The following IL26 variants were observed in gnomAD, a reference collection of about 807,000 sequenced individuals.
The protein encoded by IL26 is interleukin 26, also known as interleukin-26.
IL26 carries 23 observed loss-of-function variants against 21.7 expected under a neutral mutation model. The observed-to-expected ratio is 1.06, with a 90% CI of 0.76 to 1.50. The LOEUF is 1.50. IL26 is among the 40% of genes most tolerant of loss of function. IL26 has a pLI of 0.00. For missense variants in IL26, 204 were observed against 196.0 expected (o/e 1.04, Z -0.24); for synonymous variants, 63 against 67.8 (o/e 0.93, Z 0.34).
chr12:68,219,917 T>G (rs1305684505), intron 3 of IL26, among the ~76,000 whole-genome samples: 1 of 151,934 alleles, frequency 6.6e-6, no homozygotes, highest in Non-Finnish European at 1.5e-5. Context: ...TAAAAGCATA[T>G]TAAGGAAATA....
At chr12:68,203,808 C>T (rs1426801774) in intron 3 of IL26, among the ~76,000 whole-genome samples, 1 of 152,084 alleles carries the variant, frequency 6.6e-6, no homozygotes, top group Non-Finnish European at 1.5e-5. Context: ...GTGAAAGGGG[C>T]TTTCATGATT....
At chr12:68,211,850 T>C (rs1050010092) in intron 3 of IL26, among the ~76,000 whole-genome samples, 7 of 152,306 alleles carry the variant, frequency 4.6e-5, no homozygotes, top group African/African-American at 1.7e-4. Flanking sequence ...GTCGATTGTT[T>C]CCTTTGCTGG....
chr12:68,201,472 C>A lies in IL26; in HGVS notation c.*373G>T. ...TCATATACATAACATCTATTTAAGTCTCAGTAACATTACATTGCATTCCAG... is the reference window on the plus strand; with the variant it reads ...TCATATACATAACATCTATTTAAGTATCAGTAACATTACATTGCATTCCAG... On this transcript the variant is annotated 3_prime_UTR_variant, in exon 5 of 5. Coordinates refer to ENST00000229134, the MANE Select transcript of IL26 (RefSeq NM_018402.2). 1 of 175,870 alleles carries A rather than the reference C, an allele frequency of 5.7e-6. No individual in the cohort carries two copies. Among genetic ancestry groups the A allele is most frequent in the East Asian group, 1.6e-4 (1 of 6,322 alleles). The allele number at this position is 175,870 out of a possible 1,614,324, so 10.9% of individuals were successfully genotyped here.
chr12:68,216,528 G>A lies in IL26; in HGVS notation c.363+8621C>T, dbSNP rs551500417. On this transcript the variant is annotated intron_variant, in intron 3 of 4. Transcript: ENST00000229134. ...AATTCTCCCAACGACCTTAAGATGA[G>A]GCTACTGTTATTGAAGACACAGGTT... 6.9e-4 allele frequency among the ~76,000 whole-genome samples: 105 copies of A among 152,288 alleles called. 1 individual carries two copies. The South Asian group carries it at 0.021, about 30-fold the overall frequency.
chr12:68,222,621 G>C (rs985347846), intron 3 of IL26, among the ~76,000 whole-genome samples: 2 of 152,192 alleles, frequency 1.3e-5, no homozygotes, highest in African/African-American at 4.8e-5. Context: ...CCTTGGATCA[G>C]TTTTAAAATA....
At chr12:68,205,062 C>A (rs1340724821) in intron 3 of IL26, among the ~76,000 whole-genome samples, 1 of 152,130 alleles carries the variant, frequency 6.6e-6, no homozygotes, top group African/African-American at 2.4e-5. Flanking sequence ...GGACCAGAGG[C>A]AAATTATTGG....
At chr12:68,206,943 A>G (rs1233264459) in intron 3 of IL26, among the ~76,000 whole-genome samples, 2 of 152,182 alleles carry the variant, frequency 1.3e-5, no homozygotes, top group Non-Finnish European at 2.9e-5. Context: ...CTTTGAGGGC[A>G]TTAAATTCTG....
Position 68,211,297 on chromosome 12 carries a change from C to A in IL26, c.364-9214G>T, listed in dbSNP as rs1032038555. ...TTCATTATACCACATTTTCTTTATC[C>A]ATTCATCCATTGATGAGCACTTAGA... On this transcript the variant is annotated intron_variant, in intron 3 of 4. Transcript: ENST00000229134. Among the ~76,000 whole-genome samples the A allele has an allele frequency of 2.4e-4, 36 of 152,046 alleles. 1 individual carries two copies. Among genetic ancestry groups the A allele is most frequent in the African/African-American group, 8.2e-4 (34 of 41,320 alleles).
chr12:68,217,111 T>C (rs1252058667), intron 3 of IL26, among the ~76,000 whole-genome samples: 1 of 152,220 alleles, frequency 6.6e-6, no homozygotes. Flanking sequence ...TGAACAATTA[T>C]ACTATCTGAC....
At chr12:68,215,301 T>C (rs1249755455) in intron 3 of IL26, among the ~76,000 whole-genome samples, 1 of 152,068 alleles carries the variant, frequency 6.6e-6, no homozygotes, top group Admixed American at 6.6e-5. Context: ...TGGGAGAAAA[T>C]TTTCCCTGTG....
rs527594207 is a variant in IL26 at position 68,224,026 on chromosome 12, T to G, written c.363+1123A>C. On this transcript the variant is annotated intron_variant, in intron 3 of 4. Coordinates refer to ENST00000229134, the MANE Select transcript of IL26 (RefSeq NM_018402.2). ...CCACAAGAAAAAAACATCTTAACTC[T>G]TAAAAAATAAACACCCCCCCCCTCT... Among the ~76,000 whole-genome samples the G allele has an allele frequency of 6.2e-4, 71 of 114,536 alleles. 1 individual carries two copies. Among genetic ancestry groups the G allele is most frequent in the African/African-American group, 2.4e-3 (67 of 28,462 alleles). 75.1% of individuals were successfully genotyped at this position (114,536 alleles called of 152,430 possible).
chr12:68,220,158 A>G (rs941534444), intron 3 of IL26, among the ~76,000 whole-genome samples: 3 of 152,186 alleles, frequency 2.0e-5, no homozygotes, highest in Admixed American at 6.5e-5. Flanking sequence ...AAATAAGTCT[A>G]TACTAACACT....
At chr12:68,218,561 A>T (rs1868957751) in intron 3 of IL26, among the ~76,000 whole-genome samples, 1 of 152,064 alleles carries the variant, frequency 6.6e-6, no homozygotes, top group South Asian at 2.1e-4. Context: ...AAAACAACCC[A>T]CAGAATCAGT....
rs1869224945 is a variant in IL26, at chr12:68,225,655, T to A, written c.102A>T (p.Pro34=). 1.2e-6 allele frequency: 2 copies of A among 1,614,066 alleles called. No homozygotes were observed. Among genetic ancestry groups the A allele is most frequent in the African/African-American group, 2.7e-5 (2 of 75,024 alleles). The change falls in exon 1 of 5, where the codon CCA becomes CCT. Residue 34 remains proline, a synonymous_variant. Coordinates refer to ENST00000229134, the MANE Select transcript of IL26 (RefSeq NM_018402.2). ...KQSSFTKSCY[P]RGTLSQAVDA... ...CAACAGCTTGGGACAATGTTCCCCT[T>A]GGGTAACAACTTTTGGTGAAGGAAG...
At chr12:68,225,326 T>C (rs1256312301) in intron 2 of IL26, 43 bp from the exon 3 acceptor site, 3 of 1,584,128 alleles carry the variant, frequency 1.9e-6, no homozygotes, top group South Asian at 2.3e-5. Flanking sequence ...AAATTATGAA[T>C]CGTTTTTTAA....
chr12:68,209,098 C>A (rs1353941895), intron 3 of IL26, among the ~76,000 whole-genome samples: 1 of 152,126 alleles, frequency 6.6e-6, no homozygotes, highest in African/African-American at 2.4e-5. Context: ...TCAAAAAAAT[C>A]ATACAAATTT....
chr12:68,206,251 A>G (rs556912763), intron 3 of IL26, among the ~76,000 whole-genome samples: 78 of 152,278 alleles, frequency 5.1e-4, no homozygotes, highest in African/African-American at 1.9e-3. Context: ...TGTTCCCTCC[A>G]TTGGTGTTCT....
chr12:68,203,037 A>G (rs1868431267), intron 3 of IL26, among the ~76,000 whole-genome samples: 1 of 152,238 alleles, frequency 6.6e-6, no homozygotes, highest in Non-Finnish European at 1.5e-5. Context: ...CACTCTGCCT[A>G]TCATGTACAA....
Position 68,225,593 on chromosome 12 carries a change from G to C in IL26, c.164C>G (p.Thr55Arg). The C allele has an allele frequency of 6.2e-7, 1 of 1,613,916 alleles. No individual in the cohort carries two copies. The change falls in exon 1 of 5, where the codon ACG becomes AGG. Residue 55 changes from threonine (T) to arginine (R), a missense_variant. Coordinates refer to ENST00000229134, the MANE Select transcript of IL26 (RefSeq NM_018402.2). ...LYIKAAWLKATIPEDRIKNIR... is the reference protein window; with the variant it reads ...LYIKAAWLKARIPEDRIKNIR... ...GCAGAGCCTAATACTTACTGGAATC[G>C]TTGCTTTGAGCCATGCTGCTTTGAT...
Sources: gnomAD v4.1 joint callset for allele counts (sites outside exome capture counted in the v4.1 genomes callset) on GRCh38, gnomAD v4.1.1 for gene constraint, MANE v1.5 for transcripts, NCBI Gene and HGNC (gene_info 2026-07-23, HGNC 2026-07-21) for gene names.